Variants in OTUD7A observed in about 807,000 individuals in gnomAD.
OTUD7A encodes OTU domain-containing protein 7A.
A neutral mutation model predicts 65.7 loss-of-function variants in OTUD7A; 12 were observed. That is an observed-to-expected ratio of 0.18 (90% CI 0.12 to 0.30). The LOEUF (loss-of-function observed/expected upper bound fraction) is 0.30. Among genes scored for constraint, OTUD7A ranks in the 10% least tolerant of loss-of-function variants. The pLI is 1.00. For missense variants in OTUD7A, 1,148 were observed against 1,304.8 expected (o/e 0.88, Z 1.85); for synonymous variants, 641 against 586.3 (o/e 1.09, Z -1.35).
intron 3 of OTUD7A, among the ~76,000 whole-genome samples, chr15:31,620,677 C>T (rs1890751288): frequency 8.5e-6 from 1 of 118,066 alleles, no homozygotes; most frequent in South Asian, 2.4e-4. Flanking sequence ...ATTAGTCTTG[C>T]TAGCAGTCTA....
At chr15:31,839,021 T>C (rs1897123162) in intron 1 of OTUD7A, among the ~76,000 whole-genome samples, 1 of 152,206 alleles carries the variant, frequency 6.6e-6, no homozygotes, top group South Asian at 2.1e-4. Flanking sequence ...GGGGAGTTCA[T>C]GACACTGGTG....
At position 31,487,513 on chromosome 15, in the gene OTUD7A, C is replaced by T. The variant is rs373009531; in HGVS notation, c.1225G>A (p.Val409Met). The change falls in exon 11 of 13, where the codon GTG becomes ATG. Residue 409 changes from valine to methionine, a missense_variant. By Grantham distance (21) the Val-to-Met change is conservative. Around this residue, in one of 6 missense-constraint regions of OTUD7A, gnomAD observed 842 missense variants for 769.5 expected, o/e 1.09. Transcript: ENST00000307050. The surrounding 1 kb of genome is among the most constrained non-coding windows in gnomAD (Gnocchi z 6.0). ...EHKLLPLHFA[V>M]DPGKDWEWGK... is the part of the protein sequence containing the mutation. ...CACTCCCAGTCCTTGCCAGGGTCCA[C>T]TGCAAAGTGCAGAGGCAGCAGCTTG... is the stretch of plus-strand genomic sequence containing the variant. 5.0e-6 allele frequency: 8 copies of T among 1,613,988 alleles called. No individual in the cohort carries two copies. The highest frequency in any genetic ancestry group is 1.6e-4 in the Middle Eastern group (1 of 6,084).
At chr15:31,814,996 A>G (rs536253518) in intron 1 of OTUD7A, among the ~76,000 whole-genome samples, 1 of 152,034 alleles carries the variant, frequency 6.6e-6, no homozygotes, top group Non-Finnish European at 1.5e-5. Context: ...AAGCTCCCAC[A>G]TTGTCCCTGC....
chr15:31,594,544 G>A (rs1889846610), intron 3 of OTUD7A, among the ~76,000 whole-genome samples: 1 of 152,172 alleles, frequency 6.6e-6, no homozygotes, highest in Admixed American at 6.5e-5. Flanking sequence ...CTCACACCCT[G>A]GCCAGGTCAT....
intron 1 of OTUD7A, among the ~76,000 whole-genome samples, chr15:31,793,804 A>G (rs1567025909): frequency 6.6e-6 from 1 of 152,164 alleles, no homozygotes; most frequent in Non-Finnish European, 1.5e-5. Flanking sequence ...CTGATTATAC[A>G]CTTTGGCCAT....
intron 1 of OTUD7A, among the ~76,000 whole-genome samples, chr15:31,827,543 T>C (rs1388882820): frequency 1.3e-5 from 2 of 152,348 alleles, no homozygotes; most frequent in South Asian, 2.1e-4. Context: ...TTGTTCCTTT[T>C]GAATGACAGA....
At position 31,503,602 on chromosome 15, in the gene OTUD7A, G is replaced by C. The variant is rs184100255; in HGVS notation, c.1021+89C>G. 128 of 1,542,488 alleles carry C rather than the reference G, an allele frequency of 8.3e-5. 1 individual carries two copies. In the African/African-American group the frequency reaches 1.6e-3, roughly 19 times the overall value. On this transcript the variant is annotated intron_variant, in intron 9 of 12. Transcript: ENST00000307050. ...GAGTGATGCTTTGTGGCCTCTGGGA[G>C]CTCGACCTTGTGCTGTGCTATCTGC...
At chr15:31,626,062 G>A (rs1446898852) in intron 3 of OTUD7A, among the ~76,000 whole-genome samples, 1 of 152,128 alleles carries the variant, frequency 6.6e-6, no homozygotes, top group Non-Finnish European at 1.5e-5. Flanking sequence ...AAGAAGTGAG[G>A]AAACTTTTTG....
At chr15:31,801,421 GT>G (rs1695876616) in intron 1 of OTUD7A, among the ~76,000 whole-genome samples, 1 of 152,210 alleles carries the variant, frequency 6.6e-6, no homozygotes, top group Non-Finnish European at 1.5e-5. Flanking sequence ...AGCCCTTCTG[GT>G]TTGCAGAGGC....
chr15:31,602,207 A>G lies in OTUD7A; in HGVS notation c.152-32010T>C, dbSNP rs1890098433. On this transcript the variant is annotated intron_variant, in intron 3 of 12. Transcript: ENST00000307050. Reference sequence around the variant, plus strand: ...GAACATCAATGAAAAAATCCTCAATAAAATACTGGCAAACCGAATCCAGCA... The same window carrying G: ...GAACATCAATGAAAAAATCCTCAATGAAATACTGGCAAACCGAATCCAGCA... Among the ~76,000 whole-genome samples, 3 of 152,356 alleles carry G rather than the reference A, an allele frequency of 2.0e-5. No individual in the cohort carries two copies. In the East Asian group the frequency reaches 5.8e-4, roughly 29 times the overall value.
chr15:31,544,987 ACTC>A (rs1888088394), intron 5 of OTUD7A, among the ~76,000 whole-genome samples: 1 of 152,030 alleles, frequency 6.6e-6, no homozygotes, highest in South Asian at 2.1e-4. Context: ...AGAAAAAAAA[ACTC>A]CTAGAAATAT....
intron 1 of OTUD7A, among the ~76,000 whole-genome samples, chr15:31,733,360 C>T (rs1235011692): frequency 6.6e-6 from 1 of 152,236 alleles, no homozygotes; most frequent in Non-Finnish European, 1.5e-5. Flanking sequence ...GTGGGCCCCA[C>T]TCACTATCTG....
chr15:31,672,640 A>G (rs1387651653), intron 1 of OTUD7A, among the ~76,000 whole-genome samples: 1 of 152,226 alleles, frequency 6.6e-6, no homozygotes, highest in East Asian at 1.9e-4. Flanking sequence ...TCCAAAAGTC[A>G]CCATTGTTCC....
intron 1 of OTUD7A, among the ~76,000 whole-genome samples, chr15:31,855,545 CTACTGATAAAAAGACTGA>C (rs1897548316): frequency 6.6e-6 from 1 of 152,056 alleles, no homozygotes; most frequent in Non-Finnish European, 1.5e-5. Flanking sequence ...TCCACTGGAA[CTACTGATAAAAAGACTGA>C]TACTGTGTGA....
intron 1 of OTUD7A, among the ~76,000 whole-genome samples, chr15:31,833,525 G>A (rs747069080): frequency 1.1e-4 from 17 of 152,246 alleles, no homozygotes; most frequent in Admixed American, 1.1e-3. Flanking sequence ...CTTGCAGCAA[G>A]TGGTATTTAT....
In OTUD7A at chr15:31,766,637, T is replaced by A. The variant is rs1201031732; in HGVS notation, c.-100+103870A>T. 3.6e-5 allele frequency: 58 copies of A among 1,605,438 alleles called. No homozygotes were observed. The East Asian group carries it at 5.6e-4, about 15-fold the overall frequency. ...TAACTATTCCTTCTTGTACTACTTG[T>A]TAAAAGCAAACTCTGAGACCTTCAA... On this transcript the variant is annotated intron_variant, in intron 1 of 12. Coordinates refer to ENST00000307050, the MANE Select transcript of OTUD7A (RefSeq NM_001382637.1).
At chr15:31,657,980 A>G (rs369470434) in intron 1 of OTUD7A, among the ~76,000 whole-genome samples, 5 of 152,294 alleles carry the variant, frequency 3.3e-5, no homozygotes, top group South Asian at 4.1e-4. Context: ...CAGCCACCCC[A>G]GGGAGAGTAA....
At chr15:31,528,790 G>C (rs6493740) in intron 6 of OTUD7A, among the ~76,000 whole-genome samples, 52,788 of 152,242 alleles carry the variant, frequency 0.35, 9,805 homozygotes, top group African/African-American at 0.47. Flanking sequence ...AGGCCAACAG[G>C]GGTTCCACAA....
At chr15:31,664,762 G>A (rs1892273292) in intron 1 of OTUD7A, among the ~76,000 whole-genome samples, 1 of 152,160 alleles carries the variant, frequency 6.6e-6, no homozygotes, top group African/African-American at 2.4e-5. Context: ...GTTTTCCAAT[G>A]TTATCTTCTA....
Sources: allele counts gnomAD v4.1 joint callset (sites outside exome capture counted in the v4.1 genomes callset), GRCh38; gene constraint gnomAD v4.1.1; regional missense constraint gnomAD v4.1.1; non-coding constraint Gnocchi (gnomAD v3.1); transcripts MANE v1.5; gene names NCBI Gene and HGNC (gene_info 2026-07-23, HGNC 2026-07-21).